The following GSAP variants were observed in gnomAD, a reference collection of about 807,000 sequenced individuals.
GSAP encodes gamma-secretase-activating protein.
A neutral mutation model predicts 131.7 loss-of-function variants in GSAP; 118 were observed. The ratio of observed to expected loss-of-function variants is 0.90; its 90% confidence interval spans 0.77 to 1.04. The LOEUF is 1.04. Among genes scored for constraint, GSAP ranks in the 50% least tolerant of loss-of-function variants. GSAP has a pLI of 0.00. For synonymous variants in GSAP, 381 were observed against 363.4 expected (o/e 1.05, Z -0.55); for missense variants, 1,019 against 1,013.2 (o/e 1.01, Z -0.08).
intron 3 of GSAP, among the ~76,000 whole-genome samples, chr7:77,398,189 A>T (rs1449330971): frequency 6.6e-6 from 1 of 152,168 alleles, no homozygotes; most frequent in Admixed American, 6.5e-5. Context: ...AAGAGAACCG[A>T]CTAAGAGAAA....
Position 77,355,435 on chromosome 7 carries a change from CAAAAAA to C in GSAP, c.1121-11_1121-6del. On this transcript the variant is annotated splice_polypyrimidine_tract_variant and splice_region_variant and intron_variant, in intron 15 of 30. Coordinates refer to ENST00000257626, the MANE Select transcript of GSAP (RefSeq NM_017439.4). ...TATCAATCATTTCATTATTTCCTGG[CAAAAAA>C]AAAAAAAACAGTAGATCAGCAAATA... 7.5e-7 allele frequency: 1 copy of C among 1,337,274 alleles called. No homozygotes were observed. The highest frequency in any genetic ancestry group is 1.0e-6 in the Non-Finnish European group (1 of 967,930). The allele number at this position is 1,337,274 out of a possible 1,614,324, so 82.8% of individuals were successfully genotyped here.
chr7:77,406,807 C>T (rs538256756), intron 1 of GSAP, among the ~76,000 whole-genome samples: 3 of 152,148 alleles, frequency 2.0e-5, no homozygotes, highest in Admixed American at 6.5e-5. Flanking sequence ...ATACAGGAGC[C>T]GAGGGTAGGG....
At chr7:77,353,446 T>G in intron 17 of GSAP, 126 bp downstream of exon 17, 1 of 582,410 alleles carries the variant, frequency 1.7e-6, no homozygotes. Flanking sequence ...AGAGTTTTGT[T>G]TTTTTTTTTT....
chr7:77,318,822 C>T (rs1010169508), intron 26 of GSAP, among the ~76,000 whole-genome samples: 1 of 147,932 alleles, frequency 6.8e-6, no homozygotes, highest in African/African-American at 2.5e-5. Context: ...ATATGACATC[C>T]AAAGCACAAA....
rs535904143 is a variant in GSAP at position 77,323,633 on chromosome 7, A to G, written c.1923+14T>C. 32 of 1,469,164 alleles carry G rather than the reference A, an allele frequency of 2.2e-5. No individual in the cohort carries two copies. In the South Asian group the frequency reaches 3.1e-4, roughly 14 times the overall value. The allele number at this position is 1,469,164 out of a possible 1,614,324, so 91.0% of individuals were successfully genotyped here. A position where few individuals can be genotyped will look rare whatever the true frequency, so the allele number is the denominator to read the frequency against. ...GTGAAGGGGCATATGAGGAGAATAA[A>G]AAGCAAGACCAACCAGTTTTGAAAT... is the stretch of plus-strand genomic sequence containing the variant. On this transcript the variant is annotated intron_variant, in intron 24 of 30. Transcript: ENST00000257626.
Position 77,312,098 on chromosome 7 carries a change from C to T in GSAP, c.2373+3G>A. On this transcript the variant is annotated splice_donor_region_variant and intron_variant, in intron 29 of 30. Transcript: ENST00000257626. ...AGTTGGCTGTGCTTTCAGAGAAACT[C>T]ACCTGTTTCTTATAGTTCTGAAGCA... 6.4e-7 allele frequency: 1 copy of T among 1,563,784 alleles called. No individual in the cohort carries two copies. The highest frequency in any genetic ancestry group is 1.8e-5 in the Admixed American group (1 of 55,398).
chr7:77,361,456 A>G (rs1794510671), intron 13 of GSAP, among the ~76,000 whole-genome samples: 1 of 152,210 alleles, frequency 6.6e-6, no homozygotes, highest in South Asian at 2.1e-4. Context: ...AATTTTCCAC[A>G]AAAATCTCAA....
intron 14 of GSAP, 57 bp from the exon 15 acceptor site, chr7:77,355,704 A>C (rs1249560412): frequency 1.0e-6 from 1 of 952,936 alleles, no homozygotes; most frequent in East Asian, 2.4e-5. Context: ...ACAGGTACAG[A>C]ATGTCACATT....
chr7:77,348,198 G>T (rs1161081084), intron 19 of GSAP, among the ~76,000 whole-genome samples: 1 of 151,956 alleles, frequency 6.6e-6, no homozygotes, highest in Non-Finnish European at 1.5e-5. Context: ...ACACATTATG[G>T]ATTTGGTAAG....
chr7:77,321,446 C>A (rs369590734), intron 24 of GSAP, 43 bp from the exon 25 acceptor site: 143 of 1,250,934 alleles, frequency 1.1e-4, no homozygotes, highest in Non-Finnish European at 1.6e-4. Flanking sequence ...TCCATTCCTT[C>A]CCTCAAGGGC....
At chr7:77,322,372 C>T (rs1018278952) in intron 24 of GSAP, among the ~76,000 whole-genome samples, 6 of 152,074 alleles carry the variant, frequency 3.9e-5, no homozygotes, top group African/African-American at 1.2e-4. Flanking sequence ...ATGTCAGGGA[C>T]CTTGAGTTTT....
chr7:77,416,414 G>A, upstream of GSAP: 1 of 586,326 alleles, frequency 1.7e-6, no homozygotes, highest in Non-Finnish European at 2.8e-6. Context: ...CCCCGCTCCC[G>A]CCCCCTCTTT....
chr7:77,416,442 G>C, upstream of GSAP: 1 of 511,844 alleles, frequency 2.0e-6, no homozygotes, highest in Admixed American at 4.4e-5. Flanking sequence ...CCCGCCCCCT[G>C]CTGCTTTCGG....
At chr7:77,396,187 A>C (rs369150323) in intron 5 of GSAP, among the ~76,000 whole-genome samples, 1 of 151,742 alleles carries the variant, frequency 6.6e-6, no homozygotes, top group African/African-American at 2.4e-5. Flanking sequence ...ACTAGTCCCT[A>C]TATCTCTTGA....
chr7:77,312,702 G>A (rs1359878497), intron 28 of GSAP, among the ~76,000 whole-genome samples: 3 of 152,186 alleles, frequency 2.0e-5, no homozygotes, highest in African/African-American at 4.8e-5. Flanking sequence ...CTTTGCTTCA[G>A]TAAGCCTGTG....
chr7:77,349,548 G>A (rs771996016), intron 18 of GSAP, 144 bp from the exon 19 acceptor site: 3 of 635,536 alleles, frequency 4.7e-6, no homozygotes, highest in South Asian at 1.9e-5. Context: ...ACCTTGGAGG[G>A]CATAAATAAC....
chr7:77,393,840 A>T (rs970453058), intron 5 of GSAP, among the ~76,000 whole-genome samples: 3 of 151,694 alleles, frequency 2.0e-5, no homozygotes, highest in Admixed American at 6.6e-5. Context: ...CACCCGGCTA[A>T]TTTTTCTATT....
chr7:77,383,077 C>T (rs1479446400), intron 6 of GSAP, among the ~76,000 whole-genome samples: 1 of 152,038 alleles, frequency 6.6e-6, no homozygotes, highest in East Asian at 1.9e-4. Flanking sequence ...GTCCCAGCTA[C>T]TCAGGAGGTT....
chr7:77,381,015 C>CT (rs1797718025), intron 8 of GSAP, among the ~76,000 whole-genome samples: 1 of 152,192 alleles, frequency 6.6e-6, no homozygotes, highest in African/African-American at 2.4e-5. Flanking sequence ...ATATGTGCAT[C>CT]TAACCTTGCA....
Sources: allele counts gnomAD v4.1 joint callset (sites outside exome capture counted in the v4.1 genomes callset), GRCh38; gene constraint gnomAD v4.1.1; transcripts MANE v1.5; gene names NCBI Gene and HGNC (gene_info 2026-07-23, HGNC 2026-07-21).